Variants in TMEM232 observed in about 807,000 individuals in gnomAD.
The protein encoded by TMEM232 is transmembrane protein 232.
Under a neutral mutation model 78.8 loss-of-function variants are expected in TMEM232, and 80 were observed. The ratio of observed to expected loss-of-function variants is 1.01; its 90% CI spans 0.85 to 1.22. TMEM232 has a LOEUF of 1.22. Ranked by LOEUF, TMEM232 falls within the 50% of genes most tolerant of loss-of-function variation. The probability of loss-of-function intolerance (pLI) is 0.00; values close to 1 mark genes in which losing one functional copy is unlikely to be tolerated. For synonymous variants in TMEM232, 297 were observed against 254.3 expected (o/e 1.17, Z -1.60); for missense variants, 881 against 742.2 (o/e 1.19, Z -2.17).
At chr5:110,534,226 A>G (rs375033272) in intron 11 of TMEM232, among the ~76,000 whole-genome samples, 13 of 152,194 alleles carry the variant, frequency 8.5e-5, no homozygotes, top group African/African-American at 2.2e-4. Context: ...TCACCTCTAT[A>G]CAGTCTGATA....
chr5:110,528,725 A>C lies in TMEM232; in HGVS notation c.1566T>G (p.Thr522=). ...SKYIGWRIAN[T]LSKLFFPPIE... is the part of the protein sequence containing the mutation. ...TGGGGGGAAAGAATAGTTTGGAAAG[A>C]GTGTTGGCAATTCTCCACCCAATAT... Residue 522 remains threonine, a synonymous_variant, in exon 12 of 14, where the codon ACT becomes ACG. Coordinates refer to ENST00000455884, the MANE Select transcript of TMEM232 (RefSeq NM_001039763.4). 6.5e-7 allele frequency: 1 copy of C among 1,534,900 alleles called. No homozygotes were observed. The highest frequency in any genetic ancestry group is 8.7e-7 in the Non-Finnish European group (1 of 1,146,328).
chr5:110,417,387 G>C (rs1206463298), downstream of TMEM232, among the ~76,000 whole-genome samples: 1 of 152,116 alleles, frequency 6.6e-6, no homozygotes, highest in Non-Finnish European at 1.5e-5. Flanking sequence ...CAATAAGACA[G>C]TAGTTGAAAT....
intron 12 of TMEM232, among the ~76,000 whole-genome samples, chr5:110,460,364 G>A (rs892169110): frequency 6.6e-6 from 1 of 151,860 alleles, no homozygotes; most frequent in Non-Finnish European, 1.5e-5. Context: ...GAGGCAATAT[G>A]TAAACATTTG....
intron 12 of TMEM232, among the ~76,000 whole-genome samples, chr5:110,527,142 G>A (rs544757104): frequency 6.6e-6 from 1 of 151,816 alleles, no homozygotes; most frequent in African/African-American, 2.4e-5. Flanking sequence ...TCTAAAGAAA[G>A]TTAACTTTCT....
intron 11 of TMEM232, among the ~76,000 whole-genome samples, chr5:110,548,513 G>A (rs1293574229): frequency 3.3e-5 from 5 of 151,224 alleles, no homozygotes; most frequent in Non-Finnish European, 5.9e-5. Context: ...AAAATAATGT[G>A]TAACCACCAA....
intron 4 of TMEM232, among the ~76,000 whole-genome samples, chr5:110,389,491 T>G (rs894380132): frequency 2.6e-5 from 4 of 152,156 alleles, no homozygotes; most frequent in African/African-American, 9.7e-5. Context: ...TTGAGAAAAT[T>G]CTCTTTTGAA....
intron 1 of TMEM232, among the ~76,000 whole-genome samples, chr5:110,712,775 G>A (rs1262959535): frequency 6.6e-6 from 1 of 152,148 alleles, no homozygotes; most frequent in Non-Finnish European, 1.5e-5. Context: ...TGGAGAGAAT[G>A]TGGAGAAAAG....
chr5:110,652,035 CAAG>C (rs1425434787), intron 2 of TMEM232, among the ~76,000 whole-genome samples: 1 of 152,060 alleles, frequency 6.6e-6, no homozygotes, highest in East Asian at 1.9e-4. Flanking sequence ...CTTTGTTTTA[CAAG>C]AAGAAATAGG....
intron 5 of TMEM232, among the ~76,000 whole-genome samples, chr5:110,635,471 A>G (rs1785675256): frequency 6.6e-6 from 1 of 152,140 alleles, no homozygotes; most frequent in Non-Finnish European, 1.5e-5. Flanking sequence ...CAGCACATCA[A>G]AAAGATAATA....
At chr5:110,738,599 T>G (rs1799466011), upstream of TMEM232, 1 of 194,606 alleles carries the variant, frequency 5.1e-6, no homozygotes, top group African/African-American at 2.4e-5. Flanking sequence ...TGGAACGTTA[T>G]TAACCCTCCA....
intron 12 of TMEM232, among the ~76,000 whole-genome samples, chr5:110,433,644 T>C (rs1392397641): frequency 1.3e-5 from 2 of 152,094 alleles, no homozygotes; most frequent in Non-Finnish European, 2.9e-5. Flanking sequence ...TGAAGGATGT[T>C]CCTTTGATGC....
chr5:110,465,753 T>C (rs892009201), intron 12 of TMEM232, among the ~76,000 whole-genome samples: 46 of 152,312 alleles, frequency 3.0e-4, no homozygotes, highest in Admixed American at 2.6e-4. Context: ...TAATGGCCAA[T>C]AATAGAGAAT....
intron 2 of TMEM232, among the ~76,000 whole-genome samples, chr5:110,649,170 A>G (rs1251564967): frequency 1.3e-5 from 2 of 152,126 alleles, no homozygotes; most frequent in Non-Finnish European, 2.9e-5. Context: ...TAGAATATAC[A>G]CTACAATATT....
At chr5:110,496,373 A>T (rs1382630165) in intron 12 of TMEM232, among the ~76,000 whole-genome samples, 2 of 152,042 alleles carry the variant, frequency 1.3e-5, no homozygotes, top group Non-Finnish European at 2.9e-5. Flanking sequence ...ACTATTACTC[A>T]TCTAGATTTT....
At chr5:110,718,723 T>C (rs1362238259) in intron 1 of TMEM232, among the ~76,000 whole-genome samples, 2 of 152,040 alleles carry the variant, frequency 1.3e-5, no homozygotes, top group African/African-American at 2.4e-5. Flanking sequence ...AACACTCCCA[T>C]TACATGAAAG....
intron 1 of TMEM232, among the ~76,000 whole-genome samples, chr5:110,682,311 A>G (rs939771339): frequency 3.3e-5 from 5 of 152,190 alleles, no homozygotes; most frequent in Non-Finnish European, 7.4e-5. Context: ...TAAGTGAATA[A>G]AAATGATCTG....
At chr5:110,703,382 A>G (rs1308698259) in intron 1 of TMEM232, among the ~76,000 whole-genome samples, 1 of 152,064 alleles carries the variant, frequency 6.6e-6, no homozygotes, top group Admixed American at 6.6e-5. Flanking sequence ...GGACCTAAGA[A>G]AATGACTGCC....
chr5:110,665,841 G>A (rs189272293), intron 2 of TMEM232, among the ~76,000 whole-genome samples: 2 of 149,222 alleles, frequency 1.3e-5, no homozygotes, highest in African/African-American at 4.9e-5. Context: ...GATCACTTGA[G>A]GCCAGGAGTT....
chr5:110,640,658 GTAA>G (rs951570283), intron 4 of TMEM232, among the ~76,000 whole-genome samples: 4 of 151,950 alleles, frequency 2.6e-5, no homozygotes, highest in African/African-American at 9.7e-5. Flanking sequence ...TGGCAAAAAA[GTAA>G]TAAAGACTAT....
Sources: gnomAD v4.1 joint callset for allele counts (sites outside exome capture counted in the v4.1 genomes callset) on GRCh38, gnomAD v4.1.1 for gene constraint, MANE v1.5 for transcripts, NCBI Gene and HGNC (gene_info 2026-07-23, HGNC 2026-07-21) for gene names.